Variants in LAMP5 observed in about 807,000 individuals in gnomAD.
The protein encoded by LAMP5 is lysosome associated membrane protein 5, also known as lysosome-associated membrane glycoprotein 5.
LAMP5 carries 36 observed loss-of-function variants against 30.2 expected under a neutral mutation model. That is an observed-to-expected ratio of 1.19 (90% confidence interval 0.91 to 1.57). LAMP5 has a LOEUF of 1.57. Among genes scored for constraint, LAMP5 ranks in the 40% most tolerant of loss-of-function variants. The pLI is 0.00. For missense variants in LAMP5, 377 were observed against 354.9 expected, an observed-to-expected ratio of 1.06 and a Z score of -0.50; for synonymous variants, 149 against 134.6, an observed-to-expected ratio of 1.11 and a Z score of -0.74.
At position 9,518,089 on chromosome 20, in the gene LAMP5, C is replaced by G; in HGVS notation, c.525C>G (p.Pro175=). 2 of 1,614,128 alleles carry G rather than the reference C, an allele frequency of 1.2e-6. No homozygotes were observed. Among genetic ancestry groups the G allele is most frequent in the Non-Finnish European group, 1.7e-6 (2 of 1,180,016 alleles). ...ACCACCTCTCTGCCTTGGTCACCCCCGCTGGGAAGTCCTATGAGTGTCAAG... is the reference window on the plus strand; with the variant it reads ...ACCACCTCTCTGCCTTGGTCACCCCGGCTGGGAAGTCCTATGAGTGTCAAG... ...NSHHLSALVT[P]AGKSYECQAQ... is the part of the protein sequence containing the mutation. The change falls in exon 5 of 6, where the codon CCC becomes CCG. Residue 175 remains proline (P), a synonymous_variant. Transcript: ENST00000246070.
intron 1 of LAMP5, 34 bp downstream of exon 1, chr20:9,514,950 G>A (rs754979391): frequency 1.9e-6 from 3 of 1,593,682 alleles, no homozygotes; most frequent in East Asian, 2.2e-5. Flanking sequence ...GAGAGAGGAC[G>A]GGCACTCTTT....
At chr20:9,520,327 C>A (rs551938765) in intron 5 of LAMP5, among the ~76,000 whole-genome samples, 2 of 152,124 alleles carry the variant, frequency 1.3e-5, no homozygotes, top group Non-Finnish European at 2.9e-5. Flanking sequence ...TTTTTTTGTT[C>A]CTGGCTCCTC....
chr20:9,527,732 C>T (rs185086874), intron 5 of LAMP5, among the ~76,000 whole-genome samples: 10 of 152,216 alleles, frequency 6.6e-5, no homozygotes, highest in South Asian at 2.1e-4. Flanking sequence ...GAATATAATT[C>T]TGGTTAGCCT....
intron 5 of LAMP5, among the ~76,000 whole-genome samples, chr20:9,519,153 C>A (rs1470897993): frequency 6.6e-6 from 1 of 152,196 alleles, no homozygotes; most frequent in Non-Finnish European, 1.5e-5. Context: ...GAATTCATAT[C>A]ATTTATTCTC....
intron 5 of LAMP5, among the ~76,000 whole-genome samples, chr20:9,527,985 A>G (rs1040177397): frequency 2.0e-4 from 31 of 152,262 alleles, no homozygotes; most frequent in African/African-American, 6.7e-4. Context: ...CATAATTTAC[A>G]TATATTACAT....
At chr20:9,528,439 T>C (rs1035514684) in intron 5 of LAMP5, among the ~76,000 whole-genome samples, 9 of 152,172 alleles carry the variant, frequency 5.9e-5, no homozygotes, top group Admixed American at 6.6e-5. Context: ...GTGACTATAG[T>C]TAACAACCAT....
intron 5 of LAMP5, among the ~76,000 whole-genome samples, chr20:9,527,992 A>G (rs1372067841): frequency 6.6e-6 from 1 of 152,226 alleles, no homozygotes; most frequent in Non-Finnish European, 1.5e-5. Context: ...TACATATATT[A>G]CATGCACCCT....
Position 9,514,635 on chromosome 20 carries a change from T to C in LAMP5, c.-218T>C. ...AGCCGTGGACCGCCGTGCGGTCCTT[T>C]CCTCCGCAGTGAGCCGATTTGCTCT... On this transcript the variant is annotated 5_prime_UTR_variant, in exon 1 of 6. Coordinates refer to ENST00000246070, the MANE Select transcript of LAMP5 (RefSeq NM_012261.4). The C allele has an allele frequency of 1.9e-6, 1 of 536,094 alleles. No homozygotes were observed. Among genetic ancestry groups the C allele is most frequent in the Non-Finnish European group, 3.3e-6 (1 of 299,390 alleles). The allele number at this position is 536,094 out of a possible 1,614,324, so 33.2% of individuals were successfully genotyped here.
intron 5 of LAMP5, among the ~76,000 whole-genome samples, chr20:9,519,736 G>A (rs575178661): frequency 5.3e-5 from 8 of 152,174 alleles, no homozygotes; most frequent in Non-Finnish European, 7.4e-5. Context: ...CCAGGACCCT[G>A]CCATAAATGC....
chr20:9,516,083 A>C lies in LAMP5; in HGVS notation c.321A>C (p.Gln107His), dbSNP rs779553604. Residue 107 changes from glutamine to histidine, a missense_variant, in exon 3 of 6, where the codon CAA (glutamine) becomes CAC (histidine). By Grantham distance (24) the Gln-to-His change is conservative. Transcript: ENST00000246070. ...GTGGCCACAGCCAGTCGGAGCTGCAAGTGTTCTGGGTGGATCGCGCATATG... is the reference window on the plus strand; with the variant it reads ...GTGGCCACAGCCAGTCGGAGCTGCACGTGTTCTGGGTGGATCGCGCATATG... ...GRCGHSQSEL[Q>H]VFWVDRAYAL... 2 of 1,549,052 alleles carry C rather than the reference A, an allele frequency of 1.3e-6. No individual in the cohort carries two copies. Among genetic ancestry groups the C allele is most frequent in the East Asian group, 4.5e-5 (2 of 44,476 alleles).
chr20:9,528,851 T>C (rs2045131523), intron 5 of LAMP5, among the ~76,000 whole-genome samples: 1 of 152,226 alleles, frequency 6.6e-6, no homozygotes, highest in Non-Finnish European at 1.5e-5. Flanking sequence ...ATACAGTATG[T>C]ATACACTCCT....
chr20:9,516,455 C>G (rs2122829637), intron 4 of LAMP5, 94 bp downstream of exon 4: 2 of 1,053,708 alleles, frequency 1.9e-6, no homozygotes, highest in Non-Finnish European at 2.9e-6. Flanking sequence ...AACCGTCCCA[C>G]GCTTTGAGGT....
At chr20:9,516,398 G>A in intron 4 of LAMP5, 37 bp downstream of exon 4, 2 of 1,517,194 alleles carry the variant, frequency 1.3e-6, no homozygotes, top group Middle Eastern at 1.7e-4. Context: ...AGGGAGCCTG[G>A]GAACTCGCAG....
chr20:9,523,140 C>A (rs1555891596), intron 5 of LAMP5, among the ~76,000 whole-genome samples: 1 of 151,966 alleles, frequency 6.6e-6, no homozygotes, highest in Non-Finnish European at 1.5e-5. Flanking sequence ...AGTCAAAGGT[C>A]TCCAAAGCCC....
At chr20:9,528,406 C>A (rs932826520) in intron 5 of LAMP5, among the ~76,000 whole-genome samples, 1 of 151,698 alleles carries the variant, frequency 6.6e-6, no homozygotes, top group African/African-American at 2.4e-5. Flanking sequence ...AGAATAAGTT[C>A]TAATATTCAA....
chr20:9,515,540 G>T lies in LAMP5; in HGVS notation c.152G>T (p.Arg51Leu), dbSNP rs749403731. The T allele has an allele frequency of 1.2e-6, 2 of 1,614,142 alleles. No homozygotes were observed. The highest frequency in any genetic ancestry group is 1.7e-6 in the Non-Finnish European group (2 of 1,180,024). Residue 51 changes from arginine (R) to leucine (L), a missense_variant, in exon 2 of 6, where the codon CGG becomes CTG. Coordinates refer to ENST00000246070, the MANE Select transcript of LAMP5 (RefSeq NM_012261.4). Reference protein sequence around the residue: ...TNPEKDIFVVRENGTTCLMAE... With the variant: ...TNPEKDIFVVLENGTTCLMAE... The stretch of plus-strand genomic sequence containing the variant: ...CCTGAAAAAGATATATTTGTGGTGC[G>T]GGAAAATGGGACGACGTGTCTCATG...
chr20:9,515,080 G>T (rs952990209), intron 1 of LAMP5, 164 bp downstream of exon 1: 1 of 675,606 alleles, frequency 1.5e-6, no homozygotes, highest in East Asian at 2.7e-5. Flanking sequence ...CTTCCTCGCC[G>T]GTGGCAGGGA....
At position 9,514,764 on chromosome 20, in the gene LAMP5, C is replaced by A; in HGVS notation, c.-89C>A. On this transcript the variant is annotated 5_prime_UTR_variant, in exon 1 of 6. Coordinates refer to ENST00000246070, the MANE Select transcript of LAMP5 (RefSeq NM_012261.4). Reference sequence around the variant, plus strand: ...TCTCTGTCCCCCGCCTCTCGCTCACCCCGGCCCACTCCAGCGGCGACTTTG... The same window carrying A: ...TCTCTGTCCCCCGCCTCTCGCTCACACCGGCCCACTCCAGCGGCGACTTTG... 3 of 1,228,940 alleles carry A rather than the reference C, an allele frequency of 2.4e-6. No homozygotes were observed. The highest frequency in any genetic ancestry group is 2.4e-6 in the Non-Finnish European group (2 of 842,668). The allele number at this position is 1,228,940 out of a possible 1,614,324, so 76.1% of individuals were successfully genotyped here. A position where few individuals can be genotyped will look rare whatever the true frequency, so the allele number is the denominator to read the frequency against.
chr20:9,527,082 T>G (rs183130215), intron 5 of LAMP5, among the ~76,000 whole-genome samples: 1 of 151,954 alleles, frequency 6.6e-6, no homozygotes, highest in Non-Finnish European at 1.5e-5. Context: ...CTCATTGAAT[T>G]TTCAGATGCT....
Sources: allele counts gnomAD v4.1 joint callset (sites outside exome capture counted in the v4.1 genomes callset), GRCh38; gene constraint gnomAD v4.1.1; transcripts MANE v1.5; gene names NCBI Gene and HGNC (gene_info 2026-07-23, HGNC 2026-07-21).